ZFC3H1: variants seen among roughly 807,000 people sequenced by gnomAD.
ZFC3H1 encodes the protein zinc finger C3H1 domain-containing protein.
ZFC3H1 carries 71 observed loss-of-function variants against 243.7 expected under a neutral mutation model. That is an observed-to-expected ratio of 0.29 (90% CI 0.24 to 0.36). The LOEUF is 0.36. ZFC3H1 is among the 10% of genes least tolerant of loss of function. ZFC3H1 has a pLI of 1.00. For missense variants in ZFC3H1, 1,966 were observed against 2,317.1 expected (o/e 0.85, Z 3.11); for synonymous variants, 838 against 813.0 (o/e 1.03, Z -0.52).
At position 71,663,577 on chromosome 12, in the gene ZFC3H1, T is replaced by G. The variant is rs765053986; in HGVS notation, c.34A>C (p.Ser12Arg). 2.5e-6 allele frequency: 4 copies of G among 1,612,416 alleles called. No homozygotes were observed. The highest frequency in any genetic ancestry group is 3.4e-6 in the Non-Finnish European group (4 of 1,179,944). The change falls in exon 1 of 35, where the codon AGT becomes CGT. Residue 12 changes from serine (S) to arginine (R), a missense_variant. By Grantham distance (110) the Ser-to-Arg change is moderately radical (BLOSUM62 -1). Coordinates refer to ENST00000378743, the MANE Select transcript of ZFC3H1 (RefSeq NM_144982.5). Reference protein sequence around the residue: ...ATADTPAPASSGLSPKEEGEL... With the variant: ...ATADTPAPASRGLSPKEEGEL... ...CCTTCTTCCTTCGGCGAGAGGCCAC[T>G]GGAGGCCGGGGCCGGAGTATCTGCG...
At chr12:71,646,740 C>T (rs528605032) in intron 3 of ZFC3H1, among the ~76,000 whole-genome samples, 1 of 152,306 alleles carries the variant, frequency 6.6e-6, no homozygotes, top group South Asian at 2.1e-4. Flanking sequence ...GCATAAGCCA[C>T]CACGCCCAGT....
chr12:71,639,503 T>C (rs1592595883), intron 6 of ZFC3H1: 2 of 187,828 alleles, frequency 1.1e-5, no homozygotes, highest in East Asian at 3.4e-4. Flanking sequence ...TATTGTTTTA[T>C]GGACTTGGCA....
In ZFC3H1 at chr12:71,626,294, A is replaced by G; in HGVS notation, c.4283T>C (p.Val1428Ala). ...GCTTTGATAATCTGGAGCATATTCA[A>G]CAGCTGTTTCACACATTTCCTGCAC... Reference protein sequence around the residue: ...DEVQEMCETAVEYAPDYQSFW... With the variant: ...DEVQEMCETAAEYAPDYQSFW... Residue 1428 changes from valine (V) to alanine (A), a missense_variant, in exon 22 of 35, where the codon GTT (valine) becomes GCT (alanine). Physicochemically the swap from Val to Ala is moderately conservative, Grantham distance 64. This residue lies in a region of ZFC3H1 where 1,383 missense variants were observed against 1,723.7 expected (regional missense o/e 0.80). Coordinates refer to ENST00000378743, the MANE Select transcript of ZFC3H1 (RefSeq NM_144982.5). The G allele has an allele frequency of 1.2e-6, 2 of 1,613,968 alleles. No individual in the cohort carries two copies. Among genetic ancestry groups the G allele is most frequent in the Non-Finnish European group, 1.7e-6 (2 of 1,179,994 alleles).
In ZFC3H1 at chr12:71,663,672, C is replaced by T; in HGVS notation, c.-62G>A. ...CGTCCGGGGATCCGCCCGACAATTG[C>T]CTCGTTTCCCTTCTTTCCTAACGGA... On this transcript the variant is annotated 5_prime_UTR_variant, in exon 1 of 35. Coordinates refer to ENST00000378743, the MANE Select transcript of ZFC3H1 (RefSeq NM_144982.5). The T allele has an allele frequency of 6.5e-7, 1 of 1,542,036 alleles. No individual in the cohort carries two copies. The highest frequency in any genetic ancestry group is 8.8e-7 in the Non-Finnish European group (1 of 1,141,140).
intron 22 of ZFC3H1, 77 bp downstream of exon 22, chr12:71,626,183 A>C (rs1462965789): frequency 3.3e-5 from 48 of 1,469,870 alleles, no homozygotes; most frequent in Non-Finnish European, 4.4e-5. Context: ...GCTACTTATC[A>C]ATTTTTAAGA....
chr12:71,652,824 A>G lies in ZFC3H1; in HGVS notation c.1015+4061T>C, dbSNP rs1008435961. On this transcript the variant is annotated intron_variant, in intron 2 of 34. Transcript: ENST00000378743. ...CAAAATAATCATCACTTAGGTCTGC[A>G]ACCAAATTCACACCATATGGACAGC... Among the ~76,000 whole-genome samples, 3 of 152,188 alleles carry G rather than the reference A, an allele frequency of 2.0e-5. No homozygotes were observed. In the East Asian group the frequency reaches 5.8e-4, roughly 29 times the overall value.
chr12:71,663,316 T>C lies in ZFC3H1; in HGVS notation c.295A>G (p.Arg99Gly), dbSNP rs775932222. ...TTGGGTCGGTAGCTGCTGGGTCCCC[T>C]GAGGTGGCCCCGCTCAGACGCGTGC... ...SRHASERGHL[R>G]GPSSYRPKEP... Residue 99 changes from arginine (R) to glycine (G), a missense_variant, in exon 1 of 35, where the codon AGG becomes GGG. Physicochemically the swap from Arg to Gly is moderately radical, Grantham distance 125. This residue lies in a region of ZFC3H1 where 484 missense variants were observed against 449.7 expected (regional missense o/e 1.08). Coordinates refer to ENST00000378743, the MANE Select transcript of ZFC3H1 (RefSeq NM_144982.5). 57 of 1,613,192 alleles carry C rather than the reference T, an allele frequency of 3.5e-5. No individual in the cohort carries two copies. Among genetic ancestry groups the C allele is most frequent in the Non-Finnish European group, 4.6e-5 (54 of 1,180,000 alleles).
intron 31 of ZFC3H1, among the ~76,000 whole-genome samples, chr12:71,612,109 C>T (rs572001675): frequency 6.6e-6 from 1 of 152,094 alleles, no homozygotes; most frequent in South Asian, 2.1e-4. Flanking sequence ...TACCAAACTA[C>T]ACTAAGGTCC....
At chr12:71,639,064 T>A (rs1266240065) in intron 6 of ZFC3H1, among the ~76,000 whole-genome samples, 1 of 152,186 alleles carries the variant, frequency 6.6e-6, no homozygotes, top group Non-Finnish European at 1.5e-5. Context: ...TTTTTTCACA[T>A]TTTAATTTTG....
chr12:71,630,486 G>A, intron 18 of ZFC3H1, 114 bp downstream of exon 18: 16 of 1,331,292 alleles, frequency 1.2e-5, no homozygotes, highest in Non-Finnish European at 1.5e-5. Flanking sequence ...AAAGTATTAT[G>A]GGTAAATACA....
intron 5 of ZFC3H1, among the ~76,000 whole-genome samples, 185 bp from the exon 6 acceptor site, chr12:71,642,744 G>C (rs1457648839): frequency 6.6e-6 from 1 of 152,072 alleles, no homozygotes; most frequent in African/African-American, 2.4e-5. Context: ...TTTTATAACT[G>C]TATAATCAGA....
At chr12:71,625,554 TG>T (rs1452302728) in intron 22 of ZFC3H1, among the ~76,000 whole-genome samples, 1 of 152,038 alleles carries the variant, frequency 6.6e-6, no homozygotes, top group Non-Finnish European at 1.5e-5. Flanking sequence ...TATCCAGGCA[TG>T]GTAGCACGCA....
chr12:71,619,190 T>C lies in ZFC3H1; in HGVS notation c.5144+125A>G, dbSNP rs920948183. 2.2e-5 allele frequency: 16 copies of C among 717,990 alleles called. No individual in the cohort carries two copies. The Admixed American group carries it at 2.5e-4, about 11-fold the overall frequency. The allele number at this position is 717,990 out of a possible 1,614,324, so 44.5% of individuals were successfully genotyped here. On this transcript the variant is annotated intron_variant, in intron 27 of 34. Coordinates refer to ENST00000378743, the MANE Select transcript of ZFC3H1 (RefSeq NM_144982.5). ...TATTTATTCTGTTTCAAGTATTCTGTTAAGTGGGTATTCAAGTACTAAAAA... is the reference window on the plus strand; with the variant it reads ...TATTTATTCTGTTTCAAGTATTCTGCTAAGTGGGTATTCAAGTACTAAAAA...
Position 71,663,295 on chromosome 12 carries a change from G to C in ZFC3H1, c.316C>G (p.Pro106Ala), listed in dbSNP as rs201278811. The C allele has an allele frequency of 1.3e-4, 216 of 1,613,476 alleles. 2 individuals are homozygous for C. The highest frequency in any genetic ancestry group is 6.2e-4 in the East Asian group (28 of 44,876). ...GGATGAGACCGGAACGGTTCTTTGGGTCGGTAGCTGCTGGGTCCCCTGAGG... is the reference window on the plus strand; with the variant it reads ...GGATGAGACCGGAACGGTTCTTTGGCTCGGTAGCTGCTGGGTCCCCTGAGG... ...GHLRGPSSYR[P>A]KEPFRSHPPS... The change falls in exon 1 of 35, where the codon CCC (proline) becomes GCC (alanine). Residue 106 changes from proline to alanine, a missense_variant. By Grantham distance (27) the Pro-to-Ala change is conservative. Coordinates refer to ENST00000378743, the MANE Select transcript of ZFC3H1 (RefSeq NM_144982.5).
At chr12:71,657,717 G>A (rs75202538) in intron 1 of ZFC3H1, among the ~76,000 whole-genome samples, 3,080 of 152,252 alleles carry the variant, frequency 0.02, 125 homozygotes, top group African/African-American at 0.07. Context: ...GGCCAGGCGC[G>A]GTGGCTCACG....
intron 9 of ZFC3H1, among the ~76,000 whole-genome samples, chr12:71,636,210 T>C (rs997509449): frequency 6.6e-6 from 1 of 152,068 alleles, no homozygotes; most frequent in Non-Finnish European, 1.5e-5. Flanking sequence ...CCCATTTCTA[T>C]AGAAAAAAAG....
At chr12:71,630,761 T>C (rs1447952695) in intron 17 of ZFC3H1, 40 bp from the exon 18 acceptor site, 2 of 1,609,766 alleles carry the variant, frequency 1.2e-6, no homozygotes, top group East Asian at 2.2e-5. Context: ...ATCATGTACA[T>C]ATCAAAGTTA....
intron 2 of ZFC3H1, among the ~76,000 whole-genome samples, chr12:71,648,429 G>A (rs17110090): frequency 0.091 from 13,797 of 152,146 alleles, 706 homozygotes; most frequent in African/African-American, 0.13. Flanking sequence ...AACATCACAT[G>A]ATAAAGTTAC....
rs758900405 is a variant in ZFC3H1 at position 71,630,963 on chromosome 12, AAG to A, written c.3471-11_3471-10del. Reference sequence around the variant, plus strand: ...GATAATATGGACTAAATCTAAGGTGAAGAGAGTGAACAGGTATATTATGCCCA... The same window carrying A: ...GATAATATGGACTAAATCTAAGGTGAAGAGTGAACAGGTATATTATGCCCA... On this transcript the variant is annotated splice_polypyrimidine_tract_variant and intron_variant, in intron 16 of 34. Coordinates refer to ENST00000378743, the MANE Select transcript of ZFC3H1 (RefSeq NM_144982.5). The A allele has an allele frequency of 6.9e-6, 11 of 1,601,386 alleles. No individual in the cohort carries two copies. In the Admixed American group the frequency reaches 8.4e-5, roughly 12 times the overall value.
Sources: allele counts gnomAD v4.1 joint callset (sites outside exome capture counted in the v4.1 genomes callset), GRCh38; gene constraint gnomAD v4.1.1; regional missense constraint gnomAD v4.1.1; transcripts MANE v1.5; gene names NCBI Gene and HGNC (gene_info 2026-07-23, HGNC 2026-07-21).